The following FAM13A variants were observed in gnomAD, a reference collection of about 807,000 sequenced individuals.
FAM13A encodes protein FAM13A.
Under a neutral mutation model 129.6 loss-of-function variants are expected in FAM13A, and 76 were observed. The ratio of observed to expected loss-of-function variants is 0.59; its 90% CI spans 0.49 to 0.71. FAM13A has a LOEUF of 0.71. FAM13A is among the 30% of genes least tolerant of loss of function. The pLI is 0.00. For missense variants in FAM13A, 1,108 were observed against 1,249.3 expected (o/e 0.89, Z 1.70); for synonymous variants, 443 against 449.9 (o/e 0.98, Z 0.20).
chr4:88,914,277 TA>T (rs1749724954), intron 5 of FAM13A, among the ~76,000 whole-genome samples: 1 of 152,212 alleles, frequency 6.6e-6, no homozygotes, highest in Admixed American at 6.5e-5. Context: ...TTTGTACATG[TA>T]AATCAGACAA....
At chr4:88,869,760 C>A (rs1296745918) in intron 6 of FAM13A, among the ~76,000 whole-genome samples, 3 of 152,092 alleles carry the variant, frequency 2.0e-5, no homozygotes, top group Non-Finnish European at 2.9e-5. Context: ...CAATACCTGG[C>A]ATGTGATAGA....
intron 6 of FAM13A, among the ~76,000 whole-genome samples, chr4:88,856,981 CT>C (rs1333112425): frequency 6.6e-6 from 1 of 152,114 alleles, no homozygotes; most frequent in Non-Finnish European, 1.5e-5. Flanking sequence ...TTTCATTTAG[CT>C]TTCCAAAAAA....
At chr4:88,918,019 T>C (rs1750383221) in intron 5 of FAM13A, among the ~76,000 whole-genome samples, 1 of 152,244 alleles carries the variant, frequency 6.6e-6, no homozygotes, top group South Asian at 2.1e-4. Flanking sequence ...CACTGCCTGC[T>C]GCCCAGAACC....
At chr4:88,903,758 A>G (rs1379008785) in intron 6 of FAM13A, among the ~76,000 whole-genome samples, 1 of 152,254 alleles carries the variant, frequency 6.6e-6, no homozygotes, top group Non-Finnish European at 1.5e-5. Context: ...ATTGCAACAT[A>G]AGCAAAAATT....
chr4:88,726,277 G>A lies in FAM13A; in HGVS notation c.*2256C>T, dbSNP rs1357951372. ...AAAAGGGCTTCCTCTCATTTCTTCT[G>A]GGCTCCATTCCATGAAGAATATAAG... On this transcript the variant is annotated 3_prime_UTR_variant, in exon 24 of 24. Transcript: ENST00000264344. 6.9e-6 allele frequency: 1 copy of A among 145,356 alleles called. No homozygotes were observed. The highest frequency in any genetic ancestry group is 1.5e-5 in the Non-Finnish European group (1 of 67,106). The allele number at this position is 145,356 out of a possible 1,614,324, so 9.0% of individuals were successfully genotyped here. A position where few individuals can be genotyped will look rare whatever the true frequency, so the allele number is the denominator to read the frequency against.
intron 4 of FAM13A, among the ~76,000 whole-genome samples, chr4:88,944,111 C>A (rs1755232846): frequency 6.6e-6 from 1 of 152,146 alleles, no homozygotes; most frequent in Non-Finnish European, 1.5e-5. Flanking sequence ...CATGTGCAAT[C>A]TCAACTACTT....
intron 5 of FAM13A, among the ~76,000 whole-genome samples, chr4:88,925,983 C>T (rs1441016842): frequency 3.3e-5 from 5 of 151,974 alleles, no homozygotes; most frequent in African/African-American, 1.2e-4. Flanking sequence ...GCAGAACTTG[C>T]TGCGAGGATT....
At chr4:88,875,602 C>T (rs1168972385) in intron 6 of FAM13A, among the ~76,000 whole-genome samples, 2 of 152,168 alleles carry the variant, frequency 1.3e-5, no homozygotes, top group African/African-American at 2.4e-5. Context: ...TACCATCTCA[C>T]ACCAGTTAAA....
At chr4:88,758,967 A>G in intron 13 of FAM13A, 66 bp from the exon 14 acceptor site, 1 of 1,517,478 alleles carries the variant, frequency 6.6e-7, no homozygotes, top group South Asian at 1.2e-5. Context: ...GTCTGCAGCA[A>G]TTCCACTCCT....
At chr4:88,795,796 T>C (rs1223602677) in intron 8 of FAM13A, among the ~76,000 whole-genome samples, 5 of 151,878 alleles carry the variant, frequency 3.3e-5, no homozygotes, top group East Asian at 3.8e-4. Flanking sequence ...TCCAAATTTA[T>C]ATAATGCAGA....
chr4:88,802,946 C>T (rs1384337122), intron 8 of FAM13A, among the ~76,000 whole-genome samples: 2 of 152,202 alleles, frequency 1.3e-5, no homozygotes, highest in Non-Finnish European at 2.9e-5. Flanking sequence ...TTCTGATCTG[C>T]ACTCTCTGAA....
chr4:88,981,899 C>T (rs1395622548), intron 4 of FAM13A, among the ~76,000 whole-genome samples: 1 of 152,142 alleles, frequency 6.6e-6, no homozygotes, highest in East Asian at 1.9e-4. Flanking sequence ...TCCAGGTTGC[C>T]ATATCCCATG....
intron 7 of FAM13A, among the ~76,000 whole-genome samples, chr4:88,811,688 T>C (rs1729697523): frequency 6.6e-6 from 1 of 152,178 alleles, no homozygotes; most frequent in South Asian, 2.1e-4. Flanking sequence ...CATGACTGCC[T>C]GCTGATTGAC....
intron 5 of FAM13A, among the ~76,000 whole-genome samples, chr4:88,919,718 C>T (rs1750700972): frequency 6.6e-6 from 1 of 152,214 alleles, no homozygotes; most frequent in South Asian, 2.1e-4. Context: ...GTGCAGCACA[C>T]CATGCGCGAG....
At chr4:88,875,971 AT>A (rs1003470032) in intron 6 of FAM13A, among the ~76,000 whole-genome samples, 15 of 152,198 alleles carry the variant, frequency 9.9e-5, no homozygotes, top group African/African-American at 3.4e-4. Flanking sequence ...ACAAAAAAGG[AT>A]GAATTCATGT....
chr4:88,789,014 T>G (rs1437612293), intron 9 of FAM13A, among the ~76,000 whole-genome samples: 1 of 152,192 alleles, frequency 6.6e-6, no homozygotes, highest in Admixed American at 6.5e-5. Context: ...CAAGATTATT[T>G]AATCACAGTA....
At chr4:89,028,251 T>C (rs1221469866) in intron 2 of FAM13A, among the ~76,000 whole-genome samples, 1 of 150,870 alleles carries the variant, frequency 6.6e-6, no homozygotes, top group African/African-American at 2.4e-5. Flanking sequence ...AATTGTTTAT[T>C]TCTAAAATTC....
chr4:88,796,749 T>C (rs1276767012), intron 8 of FAM13A, among the ~76,000 whole-genome samples: 1 of 152,000 alleles, frequency 6.6e-6, no homozygotes, highest in Non-Finnish European at 1.5e-5. Flanking sequence ...TCTCAAATAA[T>C]TTAATCCACT....
Position 88,961,409 on chromosome 4 carries a change from C to A in FAM13A, c.606-23168G>T, listed in dbSNP as rs1218901877. On this transcript the variant is annotated intron_variant, in intron 4 of 23. Transcript: ENST00000264344. The stretch of plus-strand genomic sequence containing the variant: ...TTGAGACTGAGTCTTGCTCTGTCAT[C>A]CAGGCTGGAGTGCAATGGCATGATC... Among the ~76,000 whole-genome samples the A allele has an allele frequency of 3.8e-5, 4 of 105,668 alleles. No homozygotes were observed. In the South Asian group the frequency reaches 1.3e-3, roughly 33 times the overall value. The allele number at this position is 105,668 out of a possible 152,430, so 69.3% of individuals were successfully genotyped here.
Sources: gnomAD v4.1 joint callset for allele counts (sites outside exome capture counted in the v4.1 genomes callset) on GRCh38, gnomAD v4.1.1 for gene constraint, MANE v1.5 for transcripts, NCBI Gene and HGNC (gene_info 2026-07-23, HGNC 2026-07-21) for gene names.